The following FBXL16 variants were observed in gnomAD, a reference collection of about 807,000 sequenced individuals.
The protein encoded by FBXL16 is F-box and leucine rich repeat protein 16, also known as F-box/LRR-repeat protein 16.
A neutral mutation model predicts 36.7 loss-of-function variants in FBXL16; 7 were observed. The ratio of observed to expected loss-of-function variants is 0.19; its 90% confidence interval spans 0.11 to 0.36. The LOEUF is 0.36. FBXL16 is among the 10% of genes least tolerant of loss of function. The pLI is 1.00. For synonymous variants in FBXL16, 355 were observed against 308.7 expected, an observed-to-expected ratio of 1.15 and a Z score of -1.57; for missense variants, 463 against 659.4, an observed-to-expected ratio of 0.70 and a Z score of 3.26.
At chr16:700,272 A>C (rs1211750942) in intron 1 of FBXL16, among the ~76,000 whole-genome samples, 1 of 152,048 alleles carries the variant, frequency 6.6e-6, no homozygotes, top group African/African-American at 2.4e-5. Flanking sequence ...CAGGAGCCCC[A>C]GCTCCACCCT....
At position 695,929 on chromosome 16, in the gene FBXL16, G is replaced by T; in HGVS notation, c.634-6C>A. ...TGCATCTGTTCAAGCATAACCTGCA[G>T]GCGGGCGGGCGCCGGGTCAGGATTG... On this transcript the variant is annotated splice_region_variant and splice_polypyrimidine_tract_variant and intron_variant, in intron 2 of 5. Transcript: ENST00000397621. 1.9e-6 allele frequency: 3 copies of T among 1,569,200 alleles called. No individual in the cohort carries two copies. The South Asian group carries it at 3.5e-5, about 18-fold the overall frequency.
intron 1 of FBXL16, among the ~76,000 whole-genome samples, chr16:704,382 G>T (rs1317209341): frequency 1.3e-5 from 2 of 152,188 alleles, no homozygotes; most frequent in African/African-American, 4.8e-5. Context: ...GGGGCAGTTG[G>T]GGTGGCAGGG....
In FBXL16 at chr16:694,122, G is replaced by A. The variant is rs916763102; in HGVS notation, c.*153C>T. ...GAGGGCGGAGGGACCGAAGGTCGGG[G>A]AGGGGCTTTCCCTCGGCTCGCCCCG... is the stretch of plus-strand genomic sequence containing the variant. On this transcript the variant is annotated 3_prime_UTR_variant, in exon 6 of 6. Transcript: ENST00000397621. The A allele has an allele frequency of 1.2e-5, 5 of 416,894 alleles. No individual in the cohort carries two copies. The highest frequency in any genetic ancestry group is 8.4e-5 in the African/African-American group (4 of 47,382). The allele number at this position is 416,894 out of a possible 1,614,324, so 25.8% of individuals were successfully genotyped here.
chr16:697,202 G>A lies in FBXL16; in HGVS notation c.204C>T (p.Ala68=). ...CCGGGGTGCACGGGCCCCCAGCCAG[G>A]GCAGCCCGGGACAGTGGAGCAGCCA... ...PSLAAPLSRA[A]LAGGPCTPAG... is the part of the protein sequence containing the mutation. Residue 68 remains alanine, a synonymous_variant, in exon 2 of 6, where the codon GCC becomes GCT. Coordinates refer to ENST00000397621, the MANE Select transcript of FBXL16 (RefSeq NM_153350.4). This position sits in a 1 kb window ranked among gnomAD's most constrained non-coding sequence, Gnocchi z 4.6. 1 of 1,529,794 alleles carries A rather than the reference G, an allele frequency of 6.5e-7. No individual in the cohort carries two copies. 94.8% of individuals were successfully genotyped at this position (1,529,794 alleles called of 1,614,324 possible). A position where few individuals can be genotyped will look rare whatever the true frequency, so the allele number is the denominator to read the frequency against.
At chr16:702,950 G>A (rs1018732735) in intron 1 of FBXL16, among the ~76,000 whole-genome samples, 3 of 152,256 alleles carry the variant, frequency 2.0e-5, no homozygotes, top group African/African-American at 2.4e-5. Context: ...GGCACCACAC[G>A]CACCCCTCCT....
At chr16:694,518 G>A (rs1339560839) in intron 5 of FBXL16, 95 bp from the exon 6 acceptor site, 2 of 1,507,626 alleles carry the variant, frequency 1.3e-6, no homozygotes, top group African/African-American at 1.4e-5. Flanking sequence ...CCTCGGACCC[G>A]GGACTGTGTG....
At chr16:698,342 G>A (rs1263722200) in intron 1 of FBXL16, among the ~76,000 whole-genome samples, 5 of 152,026 alleles carry the variant, frequency 3.3e-5, no homozygotes, top group African/African-American at 7.3e-5. Context: ...AAGAAACGCC[G>A]ACACTTTTTA....
At position 696,874 on chromosome 16, in the gene FBXL16, C is replaced by T. The variant is rs972853053; in HGVS notation, c.532G>A (p.Asp178Asn). Residue 178 changes from aspartate to asparagine, a missense_variant, in exon 2 of 6, where the codon GAC becomes AAC. By Grantham distance (23) the Asp-to-Asn change is conservative (BLOSUM62 1). This residue lies in a region of FBXL16 where 263 missense variants were observed against 341.1 expected (regional missense o/e 0.77). Coordinates refer to ENST00000397621, the MANE Select transcript of FBXL16 (RefSeq NM_153350.4). ...FEGFCLVGVS[D>N]LDICEFIDNY... ...TCAATGAACTCACAGATGTCCAGGT[C>T]GGAGACGCCAACCAGGCAGAAGCCC... 5.0e-6 allele frequency: 8 copies of T among 1,609,668 alleles called. No homozygotes were observed. Among genetic ancestry groups the T allele is most frequent in the Admixed American group, 1.7e-5 (1 of 58,920 alleles).
chr16:694,169 C>T lies in FBXL16; in HGVS notation c.*106G>A. 1.3e-6 allele frequency: 1 copy of T among 790,634 alleles called. No individual in the cohort carries two copies. The highest frequency in any genetic ancestry group is 1.7e-6 in the Non-Finnish European group (1 of 586,128). The allele number at this position is 790,634 out of a possible 1,614,324, so 49.0% of individuals were successfully genotyped here. A position where few individuals can be genotyped will look rare whatever the true frequency, so the allele number is the denominator to read the frequency against. ...CCCGCCTCCCGCGCTGGGCCGGGGG[C>T]GCGGGGGCTCCCCCGAGCGCAAGGC... On this transcript the variant is annotated 3_prime_UTR_variant, in exon 6 of 6. Transcript: ENST00000397621.
intron 3 of FBXL16, 133 bp from the exon 4 acceptor site, chr16:695,209 C>G: frequency 8.4e-7 from 1 of 1,185,186 alleles, no homozygotes; most frequent in Non-Finnish European, 1.2e-6. Context: ...TCCTCGCTCC[C>G]ACCCACCGGG....
At chr16:694,856 C>T in intron 4 of FBXL16, 136 bp downstream of exon 4, 1 of 1,240,982 alleles carries the variant, frequency 8.1e-7, no homozygotes, top group Non-Finnish European at 1.1e-6. Flanking sequence ...CCGCCGGGAC[C>T]CCTGCGTTCC....
chr16:694,202 G>T lies in FBXL16; in HGVS notation c.*73C>A. 9.0e-7 allele frequency: 1 copy of T among 1,115,440 alleles called. No homozygotes were observed. The highest frequency in any genetic ancestry group is 4.4e-5 in the South Asian group (1 of 22,706). 69.1% of individuals were successfully genotyped at this position (1,115,440 alleles called of 1,614,324 possible). On this transcript the variant is annotated 3_prime_UTR_variant, in exon 6 of 6. Transcript: ENST00000397621. The stretch of plus-strand genomic sequence containing the variant: ...CTCCCCCGAGCGCAAGGCGGGAAGA[G>T]GGGGCTCGGCGGCGCCCCGCGCCCC...
intron 2 of FBXL16, 123 bp from the exon 3 acceptor site, chr16:696,046 G>T: frequency 7.3e-7 from 1 of 1,378,996 alleles, no homozygotes. Context: ...TGTGTGAGGA[G>T]GCGGGGCATC....
chr16:695,115 C>T, intron 3 of FBXL16, 39 bp from the exon 4 acceptor site: 1 of 1,576,538 alleles, frequency 6.3e-7, no homozygotes, highest in South Asian at 1.2e-5. Context: ...CTTCAAATCA[C>T]CTGGCCCCGG....
Position 697,918 on chromosome 16 carries a change from T to G in FBXL16, c.-14-499A>C, listed in dbSNP as rs1000480062. 1.3e-5 allele frequency among the ~76,000 whole-genome samples: 2 copies of G among 151,064 alleles called. No individual in the cohort carries two copies. The highest frequency in any genetic ancestry group is 1.3e-4 in the Admixed American group (2 of 15,148). On this transcript the variant is annotated intron_variant, in intron 1 of 5. Transcript: ENST00000397621. The surrounding 1 kb of genome is among the most constrained non-coding windows in gnomAD (Gnocchi z 4.6). The stretch of plus-strand genomic sequence containing the variant: ...GGGAGGCTGCAGCAGGAGAATGACG[T>G]GAACCCGGGAGGCGGAGCTTGCAGT...
chr16:703,109 G>A (rs1267926351), intron 1 of FBXL16, among the ~76,000 whole-genome samples: 1 of 152,192 alleles, frequency 6.6e-6, no homozygotes, highest in Admixed American at 6.5e-5. Flanking sequence ...GGTCCTGCCA[G>A]GTGTACCTCA....
rs761059189 is a variant in FBXL16, at chr16:696,840, G to C, written c.566C>G (p.Ala189Gly). Reference sequence around the variant, plus strand: ...GGCTTTGACACCCTTCTTGGAGAGCGCATAGTTGTCAATGAACTCACAGAT... The same window carrying C: ...GGCTTTGACACCCTTCTTGGAGAGCCCATAGTTGTCAATGAACTCACAGAT... ...LDICEFIDNY[A>G]LSKKGVKAMS... Residue 189 changes from alanine to glycine, a missense_variant, in exon 2 of 6, where the codon GCG becomes GGG. Ala to Gly is a moderately conservative substitution (Grantham distance 60). This residue lies in a region of FBXL16 where 263 missense variants were observed against 341.1 expected (regional missense o/e 0.77). Coordinates refer to ENST00000397621, the MANE Select transcript of FBXL16 (RefSeq NM_153350.4). 6 of 1,562,942 alleles carry C rather than the reference G, an allele frequency of 3.8e-6. No homozygotes were observed. In the Admixed American group the frequency reaches 1.1e-4, roughly 30 times the overall value.
intron 1 of FBXL16, among the ~76,000 whole-genome samples, chr16:700,195 G>T (rs373428034): frequency 6.6e-6 from 1 of 152,064 alleles, no homozygotes; most frequent in Non-Finnish European, 1.5e-5. Flanking sequence ...CAGGGGTCTC[G>T]CCAGAACACG....
At chr16:703,430 G>A (rs1219573189) in intron 1 of FBXL16, among the ~76,000 whole-genome samples, 1 of 152,178 alleles carries the variant, frequency 6.6e-6, no homozygotes, top group African/African-American at 2.4e-5. Flanking sequence ...AGAACCTCAG[G>A]GACCATTGAG....
Sources: gnomAD v4.1 joint callset for allele counts (sites outside exome capture counted in the v4.1 genomes callset) on GRCh38, gnomAD v4.1.1 for gene constraint, gnomAD v4.1.1 regional missense constraint, Gnocchi (gnomAD v3.1) non-coding constraint, MANE v1.5 for transcripts, NCBI Gene and HGNC (gene_info 2026-07-23, HGNC 2026-07-21) for gene names.